TTN: variants seen among roughly 807,000 people sequenced by gnomAD.
TTN encodes the protein connectin.
TTN carries 1,525 observed loss-of-function variants against 3,223.0 expected under a neutral mutation model. The observed-to-expected ratio is 0.47, with a 90% CI of 0.45 to 0.49. TTN has a LOEUF of 0.49. Ranked by LOEUF, TTN falls within the 20% of genes least tolerant of loss-of-function variation. The pLI is 0.00. For synonymous variants in TTN, 14,094 were observed against 15,161.0 expected (o/e 0.93, Z 5.17); for missense variants, 40,786 against 43,424.0 (o/e 0.94, Z 5.40).
At position 178,732,982 on chromosome 2, in the gene TTN, A is replaced by G. The variant is rs2080817893; in HGVS notation, c.16194T>C (p.Ala5398=). 3 of 1,613,492 alleles carry G rather than the reference A, an allele frequency of 1.9e-6. No individual in the cohort carries two copies. The highest frequency in any genetic ancestry group is 2.5e-6 in the Non-Finnish European group (3 of 1,179,760). ...VSWFKDGKEI[A]ASDRYRIAFV... ...ATGCTATCCTGTATCTGTCAGAAGCAGCTATTTCTTTGCCATCCTTAAACC... is the reference window on the plus strand; with the variant it reads ...ATGCTATCCTGTATCTGTCAGAAGCGGCTATTTCTTTGCCATCCTTAAACC... Residue 5398 remains alanine, a synonymous_variant, in exon 55 of 363, where the codon GCT becomes GCC. Transcript: ENST00000589042.
chr2:178,553,836 T>C (rs370524355), intron 333 of TTN, 29 bp from the exon 334 acceptor site: 1 of 1,565,006 alleles, frequency 6.4e-7, no homozygotes, highest in East Asian at 2.2e-5. Flanking sequence ...ATAAAATAAT[T>C]ACACAATCAT....
rs753378142 is a variant in TTN at position 178,756,442 on chromosome 2, T to C, written c.11034A>G (p.Gln3678=). 2.2e-5 allele frequency: 35 copies of C among 1,613,834 alleles called. No individual in the cohort carries two copies. Among genetic ancestry groups the C allele is most frequent in the East Asian group, 6.7e-5 (3 of 44,826 alleles). ...AATCATCTTTTAAAACACAGAGGAATTGAGCCGTGTCACCGCACTTTACAG... is the reference window on the plus strand; with the variant it reads ...AATCATCTTTTAAAACACAGAGGAACTGAGCCGTGTCACCGCACTTTACAG... ...DVTVKCGDTA[Q]FLCVLKDDSF... Residue 3678 remains glutamine, a synonymous_variant, in exon 46 of 363, where the codon CAA becomes CAG. Transcript: ENST00000589042.
rs1251245923 is a variant in TTN, at chr2:178,542,533, T to G, written c.97223A>C (p.Lys32408Thr). 1 of 1,608,830 alleles carries G rather than the reference T, an allele frequency of 6.2e-7. No homozygotes were observed. The highest frequency in any genetic ancestry group is 1.3e-5 in the African/African-American group (1 of 74,814). Residue 32408 changes from lysine (K) to threonine (T), a missense_variant, in exon 349 of 363, where the codon AAG becomes ACG. Transcript: ENST00000589042. ...TGATGTAGCATCAATTTCATCAATC[T>G]TAATAGGTCCTGTTGGTGGACCAGG... is the stretch of plus-strand genomic sequence containing the variant. ...DKPGPPTGPI[K>T]IDEIDATSIT...
chr2:178,633,820 A>C lies in TTN; in HGVS notation c.42679T>G (p.Leu14227Val). The C allele has an allele frequency of 6.2e-7, 1 of 1,612,860 alleles. No homozygotes were observed. The highest frequency in any genetic ancestry group is 8.5e-7 in the Non-Finnish European group (1 of 1,179,508). The change falls in exon 231 of 363, where the codon TTA becomes GTA. Residue 14227 changes from leucine to valine, a missense_variant. Physicochemically the swap from Leu to Val is conservative, Grantham distance 32. Coordinates refer to ENST00000589042, the MANE Select transcript of TTN (RefSeq NM_001267550.2). ...GGTTATACTTGGTTACATTTACCTA[A>C]GACCTTCAGCTGTGCTGTGGAGCTC... ...ELSSTAQLKV[L>V]EADPYFTVKL...
In TTN at chr2:178,773,515, G is replaced by C; in HGVS notation, c.7541C>G (p.Pro2514Arg). 1 of 1,614,038 alleles carries C rather than the reference G, an allele frequency of 6.2e-7. No homozygotes were observed. The highest frequency in any genetic ancestry group is 8.5e-7 in the Non-Finnish European group (1 of 1,179,976). Residue 2514 changes from proline to arginine, a missense_variant, in exon 32 of 363, where the codon CCT becomes CGT. Coordinates refer to ENST00000589042, the MANE Select transcript of TTN (RefSeq NM_001267550.2). ...AACTCTGCCAACTATCAGCTTGTAA[G>C]GTCCTTCGTCTGAAGCATGAGTTCG... ...INRTHASDEG[P>R]YKLIVGRVET... is the part of the protein sequence containing the mutation.
chr2:178,608,415 T>A lies in TTN; in HGVS notation c.52468A>T (p.Lys17490Ter). The part of the protein sequence containing the change: ...EDVTSNSMLV[K>*]WNEPKDNGSP... ...CCATTATCTTTTGGTTCATTCCATTTCACTAGCATACTGTTGCTGGTAACA... is the reference window on the plus strand; with the variant it reads ...CCATTATCTTTTGGTTCATTCCATTACACTAGCATACTGTTGCTGGTAACA... The change falls in exon 275 of 363, where the codon AAA (lysine) becomes TAA (stop). Residue 17490 changes from lysine to a stop codon, truncating the protein, a stop_gained. Transcript: ENST00000589042. LOFTEE classifies it high-confidence loss of function. The A allele has an allele frequency of 6.2e-7, 1 of 1,609,964 alleles. No individual in the cohort carries two copies. Among genetic ancestry groups the A allele is most frequent in the South Asian group, 1.1e-5 (1 of 90,512 alleles).
rs746792103 is a variant in TTN, at chr2:178,735,946, C to A, written c.14500G>T (p.Ala4834Ser). The change falls in exon 50 of 363, where the codon GCA (alanine) becomes TCA (serine). Residue 4834 changes from alanine (A) to serine (S), a missense_variant. Physicochemically the swap from Ala to Ser is moderately conservative, Grantham distance 99. Transcript: ENST00000589042. Reference protein sequence around the residue: ...IETIWQKDGAALSPSPNWRIS... With the variant: ...IETIWQKDGASLSPSPNWRIS... ...CTCCAGTTAGGTGAAGGTGAGAGTG[C>A]AGCACCATCTTTCTGCCAAATGGTT... 2 of 1,613,854 alleles carry A rather than the reference C, an allele frequency of 1.2e-6. No homozygotes were observed. Among genetic ancestry groups the A allele is most frequent in the East Asian group, 2.2e-5 (1 of 44,856 alleles).
rs1352067592 is a variant in TTN at position 178,756,642 on chromosome 2, C to G, written c.10834G>C (p.Val3612Leu). Residue 3612 changes from valine to leucine, a missense_variant, in exon 46 of 363, where the codon GTT becomes CTT. By Grantham distance (32) the Val-to-Leu change is conservative. Coordinates refer to ENST00000589042, the MANE Select transcript of TTN (RefSeq NM_001267550.2). ...GAACTTTGAGATACACTTTCAAAAACCTGCACTTCATATTCATATGATGAT... is the reference window on the plus strand; with the variant it reads ...GAACTTTGAGATACACTTTCAAAAAGCTGCACTTCATATTCATATGATGAT... ...QGSSYEYEVQ[V>L]FESVSQSSIH... The G allele has an allele frequency of 2.9e-5, 47 of 1,613,670 alleles. No homozygotes were observed. Among genetic ancestry groups the G allele is most frequent in the Non-Finnish European group, 3.9e-5 (46 of 1,179,806 alleles).
At position 178,531,868 on chromosome 2, in the gene TTN, G is replaced by A; in HGVS notation, c.104747C>T (p.Ala34916Val). Residue 34916 changes from alanine (A) to valine (V), a missense_variant, in exon 358 of 363, where the codon GCT (alanine) becomes GTT (valine). Physicochemically the swap from Ala to Val is moderately conservative, Grantham distance 64. Coordinates refer to ENST00000589042, the MANE Select transcript of TTN (RefSeq NM_001267550.2). The stretch of plus-strand genomic sequence containing the variant: ...TGATGTCTTCTGAGTTTTTAAAGCA[G>A]CTTTCATGGACTCATACCTGGAAAA... ...DIFSRYESMKAALKTQKTSER... is the reference protein window; with the variant it reads ...DIFSRYESMKVALKTQKTSER... The A allele has an allele frequency of 6.2e-7, 1 of 1,613,450 alleles. No homozygotes were observed. The highest frequency in any genetic ancestry group is 8.5e-7 in the Non-Finnish European group (1 of 1,179,604).
Position 178,730,103 on chromosome 2 carries a change from G to A in TTN, c.18297C>T (p.Leu6099=), listed in dbSNP as rs764712226. The change falls in exon 62 of 363, where the codon CTC becomes CTT. Residue 6099 remains leucine, a synonymous_variant. Coordinates refer to ENST00000589042, the MANE Select transcript of TTN (RefSeq NM_001267550.2). Reference sequence around the variant, plus strand: ...ATGTAGAGACCAGACCTTTTACAAAGAGAGTGGCTTTGCTGGTTGCTGTGC... The same window carrying A: ...ATGTAGAGACCAGACCTTTTACAAAAAGAGTGGCTTTGCTGGTTGCTGTGC... ...DVGTATSKAT[L]FVKEPPQFIK... is the part of the protein sequence containing the mutation. 5 of 1,385,606 alleles carry A rather than the reference G, an allele frequency of 3.6e-6. No individual in the cohort carries two copies. The highest frequency in any genetic ancestry group is 3.0e-5 in the African/African-American group (2 of 66,016). 85.8% of individuals were successfully genotyped at this position (1,385,606 alleles called of 1,614,324 possible). A position where few individuals can be genotyped will look rare whatever the true frequency, so the allele number is the denominator to read the frequency against.
At chr2:178,649,786 A>G (rs753817703) in intron 211 of TTN, 31 bp downstream of exon 211, 1 of 1,597,124 alleles carries the variant, frequency 6.3e-7, no homozygotes, top group Non-Finnish European at 8.6e-7. Context: ...TAGACACCAC[A>G]AAAATGAAGT....
chr2:178,562,963 C>A lies in TTN; in HGVS notation c.83169G>T (p.Glu27723Asp). The A allele has an allele frequency of 1.9e-6, 3 of 1,613,724 alleles. No homozygotes were observed. Among genetic ancestry groups the A allele is most frequent in the Non-Finnish European group, 2.5e-6 (3 of 1,179,748 alleles). The part of the protein sequence containing the change: ...EGILTDRAQI[E>D]VTSSFTMLVI... ...CCAACATTGTAAATGAGCTGGTCACCTCTATCTGAGCCCTGTCAGTGAGAA... is the reference window on the plus strand; with the variant it reads ...CCAACATTGTAAATGAGCTGGTCACATCTATCTGAGCCCTGTCAGTGAGAA... Residue 27723 changes from glutamate to aspartate, a missense_variant, in exon 326 of 363, where the codon GAG (glutamate) becomes GAT (aspartate). Coordinates refer to ENST00000589042, the MANE Select transcript of TTN (RefSeq NM_001267550.2).
At chr2:178,624,382 C>G in intron 242 of TTN, 83 bp downstream of exon 242, 2 of 1,569,258 alleles carry the variant, frequency 1.3e-6, no homozygotes, top group Non-Finnish European at 1.7e-6. Context: ...CCAAGAAGGG[C>G]ATGCAAAAAG....
rs1328035770 is a variant in TTN, at chr2:178,756,228, C to T, written c.11248G>A (p.Glu3750Lys). ...ERTTSAVLSV[E>K]GAPESILHER... ...TAGCTAAAAATCAATTAACCACCTT[C>T]TACACTTAGTACTGCTGACGTTGTC... Residue 3750 changes from glutamate (E) to lysine (K), a missense_variant, in exon 46 of 363, where the codon GAA becomes AAA. By Grantham distance (56) the Glu-to-Lys change is moderately conservative. Transcript: ENST00000589042. The T allele has an allele frequency of 1.2e-6, 2 of 1,603,176 alleles. No individual in the cohort carries two copies. Among genetic ancestry groups the T allele is most frequent in the East Asian group, 4.5e-5 (2 of 44,680 alleles).
rs1167301795 is a variant in TTN, at chr2:178,634,867, T to C, written c.42025-18A>G. 1.2e-6 allele frequency: 2 copies of C among 1,601,098 alleles called. No individual in the cohort carries two copies. The highest frequency in any genetic ancestry group is 1.4e-5 in the African/African-American group (1 of 73,998). On this transcript the variant is annotated intron_variant, in intron 228 of 362. Coordinates refer to ENST00000589042, the MANE Select transcript of TTN (RefSeq NM_001267550.2). This position sits in a 1 kb window ranked among gnomAD's most constrained non-coding sequence, Gnocchi z 4.6. Reference sequence around the variant, plus strand: ...TCACAAGTCTGAAAAACAATAGTTTTAGTAACCATTTGAAAGAGATAAATT... The same window carrying C: ...TCACAAGTCTGAAAAACAATAGTTTCAGTAACCATTTGAAAGAGATAAATT...
At chr2:178,630,169 A>C in intron 239 of TTN, 72 bp downstream of exon 239, 1 of 1,595,964 alleles carries the variant, frequency 6.3e-7, no homozygotes, top group Non-Finnish European at 8.6e-7. Context: ...AAATAGGTCC[A>C]ATTAATTTCA....
chr2:178,566,703 C>T lies in TTN; in HGVS notation c.79429G>A (p.Val26477Ile), dbSNP rs1706005880. Residue 26477 changes from valine to isoleucine, a missense_variant, in exon 326 of 363, where the codon GTT (valine) becomes ATT (isoleucine). Transcript: ENST00000589042. Reference protein sequence around the residue: ...AGVGEPSPATVYYKACDPVFK... With the variant: ...AGVGEPSPATIYYKACDPVFK... The stretch of plus-strand genomic sequence containing the variant: ...ACAGGATCACAGGCTTTATAATAAA[C>T]TGTAGCTGGACTTGGTTCCCCAACT... The T allele has an allele frequency of 3.7e-6, 6 of 1,613,452 alleles. No homozygotes were observed. The highest frequency in any genetic ancestry group is 5.1e-6 in the Non-Finnish European group (6 of 1,179,668).
rs933889747 is a variant in TTN, at chr2:178,794,917, A to C, written c.1245+5T>G. The C allele has an allele frequency of 3.7e-6, 6 of 1,600,974 alleles. No homozygotes were observed. The highest frequency in any genetic ancestry group is 5.1e-6 in the Non-Finnish European group (6 of 1,179,916). On this transcript the variant is annotated splice_donor_5th_base_variant and intron_variant, in intron 7 of 362. Transcript: ENST00000589042. ...TAAGGAAAAACAAAACCATTCTGAC[A>C]GTACCTCTTTAGCACCAGTGGCAAC...
intron 354 of TTN, 195 bp downstream of exon 354, chr2:178,538,345 C>A (rs1692660550): frequency 3.6e-6 from 2 of 550,204 alleles, no homozygotes; most frequent in East Asian, 5.9e-5. Flanking sequence ...TTCACTCCAT[C>A]TAACATCTGC....
Sources: allele counts gnomAD v4.1 joint callset, GRCh38; gene constraint gnomAD v4.1.1; non-coding constraint Gnocchi (gnomAD v3.1); transcripts MANE v1.5; gene names NCBI Gene and HGNC (gene_info 2026-07-23, HGNC 2026-07-21).